Variants in GALNT10 observed in about 807,000 individuals in gnomAD.
The protein encoded by GALNT10 is polypeptide N-acetylgalactosaminyltransferase 10.
A neutral mutation model predicts 75.0 loss-of-function variants in GALNT10; 41 were observed. The observed-to-expected ratio is 0.55, with a 90% CI of 0.43 to 0.71. GALNT10 has a LOEUF of 0.71. Ranked by LOEUF, GALNT10 falls within the 30% of genes least tolerant of loss-of-function variation. The pLI, the probability that GALNT10 is intolerant of heterozygous loss-of-function variation, is 0.00. For missense variants in GALNT10, 727 were observed against 818.5 expected (o/e 0.89, Z 1.36); for synonymous variants, 302 against 313.0 (o/e 0.96, Z 0.37).
intron 1 of GALNT10, among the ~76,000 whole-genome samples, chr5:154,197,988 C>T (rs1051297610): frequency 6.6e-6 from 1 of 152,144 alleles, no homozygotes; most frequent in African/African-American, 2.4e-5. Context: ...CCCGTTAAGC[C>T]CTTCCTGCAA....
At chr5:154,328,977 G>A (rs951630441) in intron 3 of GALNT10, among the ~76,000 whole-genome samples, 2 of 152,012 alleles carry the variant, frequency 1.3e-5, no homozygotes, top group African/African-American at 4.8e-5. Context: ...AGGATGGTGG[G>A]TTGGGGCTGA....
chr5:154,332,376 C>T (rs1754880618), intron 4 of GALNT10, among the ~76,000 whole-genome samples: 1 of 152,120 alleles, frequency 6.6e-6, no homozygotes, highest in Non-Finnish European at 1.5e-5. Context: ...CAGCAGGGCT[C>T]TCTGTCCTGG....
rs187904867 is a variant in GALNT10 at position 154,412,167 on chromosome 5, C to T, written c.1387-722C>T. ...TGCATTTTCATAGCCACCACAGCCCCCTATCCCTCAGATAAAGTAGGATTG... is the reference window on the plus strand; with the variant it reads ...TGCATTTTCATAGCCACCACAGCCCTCTATCCCTCAGATAAAGTAGGATTG... On this transcript the variant is annotated intron_variant, in intron 9 of 11. Coordinates refer to ENST00000297107, the MANE Select transcript of GALNT10 (RefSeq NM_198321.4). The surrounding 1 kb of genome is among the most constrained non-coding windows in gnomAD (Gnocchi z 4.2). Among the ~76,000 whole-genome samples the T allele has an allele frequency of 1.6e-4, 25 of 152,336 alleles. 1 individual carries two copies. Among genetic ancestry groups the T allele is most frequent in the East Asian group, 1.2e-3 (6 of 5,184 alleles).
Position 154,402,656 on chromosome 5 carries a change from G to A in GALNT10, c.1057-1448G>A, listed in dbSNP as rs1047901941. 5.3e-5 allele frequency: 8 copies of A among 152,182 alleles called. No homozygotes were observed. The highest frequency in any genetic ancestry group is 1.7e-4 in the African/African-American group (7 of 41,432). The allele number at this position is 152,182 out of a possible 1,614,324, so 9.4% of individuals were successfully genotyped here. A position where few individuals can be genotyped will look rare whatever the true frequency, so the allele number is the denominator to read the frequency against. ...TCGCATAGGAGAATAGTCAGGCCAT[G>A]AGCCAGGGCCGCAGTCATCTGCAGG... On this transcript the variant is annotated intron_variant, in intron 7 of 11. Transcript: ENST00000297107. The surrounding 1 kb of genome is among the most constrained non-coding windows in gnomAD (Gnocchi z 4.2).
intron 3 of GALNT10, among the ~76,000 whole-genome samples, chr5:154,312,787 G>C (rs1754540668): frequency 6.6e-6 from 1 of 152,066 alleles, no homozygotes; most frequent in Admixed American, 6.5e-5. Context: ...TCCTTCTAAG[G>C]AATGTTTGCC....
intron 1 of GALNT10, among the ~76,000 whole-genome samples, chr5:154,264,438 C>G (rs1369730545): frequency 6.6e-6 from 1 of 151,902 alleles, no homozygotes; most frequent in African/African-American, 2.4e-5. Context: ...TTCCTTTGCT[C>G]GACAGATGCA....
Position 154,416,984 on chromosome 5 carries a change from C to T in GALNT10, c.*12C>T, listed in dbSNP as rs749805249. On this transcript the variant is annotated 3_prime_UTR_variant, in exon 12 of 12. Coordinates refer to ENST00000297107, the MANE Select transcript of GALNT10 (RefSeq NM_198321.4). This position sits in a 1 kb window ranked among gnomAD's most constrained non-coding sequence, Gnocchi z 4.5. The stretch of plus-strand genomic sequence containing the variant: ...TCAATAGGAACTGAGCCCTCATGTC[C>T]CCTTGGCAGGCCCCCCAGGGTCTGG... 6.8e-6 allele frequency: 11 copies of T among 1,613,462 alleles called. No individual in the cohort carries two copies. In the East Asian group the frequency reaches 2.2e-4, roughly 33 times the overall value.
intron 1 of GALNT10, among the ~76,000 whole-genome samples, chr5:154,207,745 T>C (rs4958713): frequency 0.45 from 67,677 of 151,852 alleles, 15,889 homozygotes; most frequent in East Asian, 0.78. Flanking sequence ...AAGTCCAGAG[T>C]TGGGAAAACA....
chr5:154,301,901 C>T (rs1243004692), intron 3 of GALNT10, among the ~76,000 whole-genome samples: 8 of 152,140 alleles, frequency 5.3e-5, no homozygotes, highest in Admixed American at 5.2e-4. Context: ...CTGTCACCAG[C>T]CCACCCACCC....
intron 3 of GALNT10, among the ~76,000 whole-genome samples, chr5:154,328,863 A>G (rs1169610202): frequency 1.3e-5 from 2 of 152,224 alleles, no homozygotes; most frequent in African/African-American, 4.8e-5. Flanking sequence ...GAAGAGCTGC[A>G]TAGGGCAGGG....
intron 7 of GALNT10, among the ~76,000 whole-genome samples, chr5:154,398,883 G>A (rs1027073786): frequency 6.6e-6 from 1 of 152,164 alleles, no homozygotes; most frequent in African/African-American, 2.4e-5. Flanking sequence ...CAGGCCATAG[G>A]GTGAAAAAAC....
At chr5:154,353,654 G>A (rs1020650139) in intron 4 of GALNT10, among the ~76,000 whole-genome samples, 2 of 152,250 alleles carry the variant, frequency 1.3e-5, no homozygotes, top group Admixed American at 1.3e-4. Flanking sequence ...CCTGCCCTGA[G>A]GGCCTGAGAT....
chr5:154,386,211 C>T lies in GALNT10; in HGVS notation c.939-102C>T, dbSNP rs140962199. Reference sequence around the variant, plus strand: ...AGACACTTGGACTGTGTTCAGGGAGCAGCATGGAACACCGCCGCTGGGGGA... The same window carrying T: ...AGACACTTGGACTGTGTTCAGGGAGTAGCATGGAACACCGCCGCTGGGGGA... On this transcript the variant is annotated intron_variant, in intron 6 of 11. Transcript: ENST00000297107. 5.2e-4 allele frequency: 418 copies of T among 798,776 alleles called. 1 individual carries two copies. The African/African-American group carries it at 6.5e-3, about 12-fold the overall frequency. 49.5% of individuals were successfully genotyped at this position (798,776 alleles called of 1,614,324 possible). A position where few individuals can be genotyped will look rare whatever the true frequency, so the allele number is the denominator to read the frequency against.
intron 6 of GALNT10, among the ~76,000 whole-genome samples, chr5:154,381,913 T>A (rs1339558202): frequency 6.6e-6 from 1 of 152,216 alleles, no homozygotes; most frequent in Admixed American, 6.5e-5. Context: ...TCCATCAGGC[T>A]CGCCAAGATA....
intron 7 of GALNT10, among the ~76,000 whole-genome samples, chr5:154,401,138 A>T (rs942608688): frequency 6.6e-6 from 1 of 152,222 alleles, no homozygotes; most frequent in Non-Finnish European, 1.5e-5. Context: ...CTTCAGGCTG[A>T]TGGCCAGCAT....
At chr5:154,359,178 G>A (rs1234953089) in intron 4 of GALNT10, among the ~76,000 whole-genome samples, 3 of 152,106 alleles carry the variant, frequency 2.0e-5, no homozygotes, top group South Asian at 2.1e-4. Context: ...TACCATTAAC[G>A]CCATGGTAAA....
intron 1 of GALNT10, among the ~76,000 whole-genome samples, chr5:154,264,767 A>G (rs1396761560): frequency 6.6e-6 from 1 of 152,224 alleles, no homozygotes; most frequent in Non-Finnish European, 1.5e-5. Context: ...GTCCAAGACA[A>G]GGATAAATGA....
chr5:154,266,312 G>A (rs1453852352), intron 1 of GALNT10, among the ~76,000 whole-genome samples: 1 of 152,048 alleles, frequency 6.6e-6, no homozygotes, highest in African/African-American at 2.4e-5. Context: ...TCAGGCACAT[G>A]CATTGAAACA....
At chr5:154,338,604 A>C (rs747098529) in intron 4 of GALNT10, among the ~76,000 whole-genome samples, 3 of 152,224 alleles carry the variant, frequency 2.0e-5, no homozygotes, top group Admixed American at 6.5e-5. Flanking sequence ...TAGCTAGATA[A>C]TATTCCATAG....
Sources: gnomAD v4.1 joint callset for allele counts (sites outside exome capture counted in the v4.1 genomes callset) on GRCh38, gnomAD v4.1.1 for gene constraint, Gnocchi (gnomAD v3.1) non-coding constraint, MANE v1.5 for transcripts, NCBI Gene and HGNC (gene_info 2026-07-23, HGNC 2026-07-21) for gene names.